Variants in RASGEF1A observed in about 807,000 individuals in gnomAD.
RASGEF1A encodes ras-GEF domain-containing family member 1A.
In RASGEF1A, 18 loss-of-function variants were observed where a neutral mutation model predicts 56.4. The observed-to-expected ratio is 0.32, with a 90% CI of 0.22 to 0.47. The LOEUF is 0.47. Ranked by LOEUF, RASGEF1A falls within the 20% of genes least tolerant of loss-of-function variation. The pLI, the probability that RASGEF1A is intolerant of heterozygous loss-of-function variation, is 1.00. For missense variants in RASGEF1A, 422 were observed against 627.1 expected (o/e 0.67, Z 3.49); for synonymous variants, 245 against 242.6 (o/e 1.01, Z -0.09).
rs150648137 is a variant in RASGEF1A at position 43,235,961 on chromosome 10, C to T, written c.-6-29839G>A. Among the ~76,000 whole-genome samples, 222 of 152,150 alleles carry T rather than the reference C, an allele frequency of 1.5e-3. 1 individual carries two copies. Among genetic ancestry groups the T allele is most frequent in the African/African-American group, 5.1e-3 (213 of 41,502 alleles). ...CCATCACAAGGCTCTGGATACCCAC[C>T]CCATCACCTGAGCAGAGACCTGCAC... On this transcript the variant is annotated intron_variant, in intron 1 of 12. Coordinates refer to ENST00000395810, the MANE Select transcript of RASGEF1A (RefSeq NM_145313.4).
intron 9 of RASGEF1A, 68 bp downstream of exon 9, chr10:43,198,865 G>GC (rs1280084022): frequency 1.4e-6 from 2 of 1,434,598 alleles, no homozygotes; most frequent in Admixed American, 1.7e-5. Flanking sequence ...CACTGTCAGG[G>GC]CCCCCTTCGG....
At position 43,194,805 on chromosome 10, in the gene RASGEF1A, C is replaced by T. The variant is rs11238472; in HGVS notation, c.*1439G>A. On this transcript the variant is annotated 3_prime_UTR_variant, in exon 13 of 13. Coordinates refer to ENST00000395810, the MANE Select transcript of RASGEF1A (RefSeq NM_145313.4). ...ATATTCTCAAGTTTTAAGCCTTTCTCATCTCAAAGACATAAACAAAGCAAT... is the reference window on the plus strand; with the variant it reads ...ATATTCTCAAGTTTTAAGCCTTTCTTATCTCAAAGACATAAACAAAGCAAT... 10,203 of 152,712 alleles carry T rather than the reference C, an allele frequency of 0.067. 430 individuals are homozygous for T. Among genetic ancestry groups the T allele is most frequent in the South Asian group, 0.11 (516 of 4,830 alleles). The allele number at this position is 152,712 out of a possible 1,614,324, so 9.5% of individuals were successfully genotyped here. A position where few individuals can be genotyped will look rare whatever the true frequency, so the allele number is the denominator to read the frequency against.
At chr10:43,234,315 T>C (rs891169343) in intron 1 of RASGEF1A, among the ~76,000 whole-genome samples, 7 of 152,064 alleles carry the variant, frequency 4.6e-5, no homozygotes, top group Admixed American at 3.9e-4. Flanking sequence ...GAAGAAGGGA[T>C]GTGGAGGAAG....
At chr10:43,239,305 G>C (rs546758356) in intron 1 of RASGEF1A, among the ~76,000 whole-genome samples, 29 of 152,328 alleles carry the variant, frequency 1.9e-4, no homozygotes, top group Admixed American at 9.1e-4. Flanking sequence ...TACTTGATGT[G>C]CTGGGTCAAA....
chr10:43,213,648 A>G (rs1172332168), intron 1 of RASGEF1A, among the ~76,000 whole-genome samples: 1 of 152,136 alleles, frequency 6.6e-6, no homozygotes, highest in Non-Finnish European at 1.5e-5. Flanking sequence ...TTGTTTTGAG[A>G]CAGAGTCTTG....
rs1335592316 is a variant in RASGEF1A at position 43,203,291 on chromosome 10, G to A, written c.321+7C>T. On this transcript the variant is annotated splice_region_variant and intron_variant, in intron 3 of 12. Coordinates refer to ENST00000395810, the MANE Select transcript of RASGEF1A (RefSeq NM_145313.4). ...CCCGCCCGTGCCCCAGCCAGGCCCC[G>A]CCTCACCTTTTCAGGCCCGGCTTCC... 3 of 1,540,004 alleles carry A rather than the reference G, an allele frequency of 1.9e-6. No homozygotes were observed. Among genetic ancestry groups the A allele is most frequent in the Admixed American group, 2.0e-5 (1 of 51,116 alleles).
Position 43,213,150 on chromosome 10 carries a change from A to G in RASGEF1A, c.-6-7028T>C, listed in dbSNP as rs115211118. ...ACAGACTCACATTTAGATAGAAGAA[A>G]TAACTTCTAATGTTCCATAACAGAC... On this transcript the variant is annotated intron_variant, in intron 1 of 12. Transcript: ENST00000395810. Among the ~76,000 whole-genome samples, 1,219 of 152,302 alleles carry G rather than the reference A, an allele frequency of 8.0e-3. 18 individuals are homozygous for G. The highest frequency in any genetic ancestry group is 0.028 in the African/African-American group (1,152 of 41,558).
intron 1 of RASGEF1A, among the ~76,000 whole-genome samples, chr10:43,232,360 C>T (rs1046768813): frequency 2.0e-5 from 3 of 152,194 alleles, no homozygotes; most frequent in Non-Finnish European, 4.4e-5. Context: ...TCCAACTCTG[C>T]CTTCCACTAT....
At chr10:43,200,150 G>A (rs1839869867) in intron 6 of RASGEF1A, 32 bp downstream of exon 6, 1 of 1,548,966 alleles carries the variant, frequency 6.5e-7, no homozygotes, top group Non-Finnish European at 8.8e-7. Context: ...AGACAGGGCT[G>A]GCAGGGGTGC....
Position 43,256,617 on chromosome 10 carries a change from C to T in RASGEF1A, c.-7+10228G>A, listed in dbSNP as rs370994246. On this transcript the variant is annotated intron_variant, in intron 1 of 12. Transcript: ENST00000395810. ...CTTCCAGGGCACTGCACACTCAGTG[C>T]GACTCTGGACCTCAGCCGCTTCCCC... Among the ~76,000 whole-genome samples the T allele has an allele frequency of 6.5e-4, 99 of 152,254 alleles. No homozygotes were observed. The South Asian group carries it at 9.5e-3, about 15-fold the overall frequency.
At chr10:43,221,751 C>G (rs1175386143) in intron 1 of RASGEF1A, among the ~76,000 whole-genome samples, 2 of 152,260 alleles carry the variant, frequency 1.3e-5, no homozygotes, top group Non-Finnish European at 2.9e-5. Flanking sequence ...AAACTGCCCA[C>G]AAGCCTCACC....
At chr10:43,222,016 G>A (rs566506214) in intron 1 of RASGEF1A, among the ~76,000 whole-genome samples, 2 of 152,308 alleles carry the variant, frequency 1.3e-5, no homozygotes, top group East Asian at 1.9e-4. Flanking sequence ...CGATTTCGTC[G>A]TTGTGCAAAC....
chr10:43,203,729 T>C (rs1406039098), intron 2 of RASGEF1A: 10 of 1,107,164 alleles, frequency 9.0e-6, no homozygotes, highest in Non-Finnish European at 7.7e-6. Flanking sequence ...AACCCCAGCC[T>C]GGGACGTTGG....
intron 1 of RASGEF1A, among the ~76,000 whole-genome samples, chr10:43,216,741 A>G (rs1341547183): frequency 6.6e-6 from 1 of 152,100 alleles, no homozygotes; most frequent in African/African-American, 2.4e-5. Context: ...TTGAAGACTC[A>G]GCCACCCTCA....
intron 1 of RASGEF1A, among the ~76,000 whole-genome samples, chr10:43,218,792 C>T (rs558881178): frequency 3.9e-5 from 6 of 152,386 alleles, no homozygotes; most frequent in Admixed American, 3.3e-4. Flanking sequence ...CCTCACAGGG[C>T]GCCCGCTCCA....
At chr10:43,257,900 C>A (rs1836452287) in intron 1 of RASGEF1A, among the ~76,000 whole-genome samples, 1 of 152,250 alleles carries the variant, frequency 6.6e-6, no homozygotes, top group Non-Finnish European at 1.5e-5. Flanking sequence ...AGCCAGTGCT[C>A]TGGCCGAGGC....
At position 43,223,909 on chromosome 10, in the gene RASGEF1A, T is replaced by A. The variant is rs1169316083; in HGVS notation, c.-6-17787A>T. Among the ~76,000 whole-genome samples the A allele has an allele frequency of 2.6e-5, 4 of 151,874 alleles. No homozygotes were observed. The East Asian group carries it at 5.8e-4, about 22-fold the overall frequency. On this transcript the variant is annotated intron_variant, in intron 1 of 12. Transcript: ENST00000395810. ...AAGGACATGAAAAATACATTGGGCA[T>A]GAAAAAAGGGAATCTAACTCCAGAT...
chr10:43,255,164 C>T (rs1452673136), intron 1 of RASGEF1A, among the ~76,000 whole-genome samples: 1 of 152,188 alleles, frequency 6.6e-6, no homozygotes, highest in African/African-American at 2.4e-5. Flanking sequence ...TGGGAATGCC[C>T]AGCAGGAAGG....
intron 1 of RASGEF1A, among the ~76,000 whole-genome samples, chr10:43,260,528 C>T (rs958462149): frequency 2.0e-5 from 3 of 152,188 alleles, no homozygotes; most frequent in Non-Finnish European, 4.4e-5. Flanking sequence ...CACTGTGGAA[C>T]CCTGGTCCCC....
Sources: gnomAD v4.1 joint callset for allele counts (sites outside exome capture counted in the v4.1 genomes callset) on GRCh38, gnomAD v4.1.1 for gene constraint, MANE v1.5 for transcripts, NCBI Gene and HGNC (gene_info 2026-07-23, HGNC 2026-07-21) for gene names.